Variants in ANAPC1 observed in about 807,000 individuals in gnomAD.
The protein encoded by ANAPC1 is anaphase promoting complex subunit 1.
ANAPC1 carries 36 observed loss-of-function variants against 208.0 expected under a neutral mutation model. The observed-to-expected ratio is 0.17, with a 90% CI of 0.13 to 0.23. The LOEUF (loss-of-function observed/expected upper bound fraction) is 0.23, where lower values mean the gene tolerates loss of function less well. Ranked by LOEUF, ANAPC1 falls within the 10% of genes least tolerant of loss-of-function variation. ANAPC1 has a pLI of 1.00. For missense variants in ANAPC1, 942 were observed against 2,011.6 expected (o/e 0.47, Z 10.17); for synonymous variants, 378 against 695.2 (o/e 0.54, Z 7.18).
Position 111,825,142 on chromosome 2 carries a change from T to C in ANAPC1, c.2730A>G (p.Gln910=). Residue 910 remains glutamine, a synonymous_variant, in exon 23 of 48, where the codon CAA becomes CAG. Coordinates refer to ENST00000341068, the MANE Select transcript of ANAPC1 (RefSeq NM_022662.4). Reference sequence around the variant, plus strand: ...TAAATAAAAGTCACCTGTTTTCCTCTTGTTCTACTTGCAACTTCTGGGGGG... The same window carrying C: ...TAAATAAAAGTCACCTGTTTTCCTCCTGTTCTACTTGCAACTTCTGGGGGG... The part of the protein sequence containing the change: ...TIAPQKLQVE[Q]EENRFSFRHS... The C allele has an allele frequency of 1.2e-6, 2 of 1,613,894 alleles. No individual in the cohort carries two copies. The highest frequency in any genetic ancestry group is 2.7e-5 in the African/African-American group (2 of 75,036).
intron 1 of ANAPC1, 129 bp downstream of exon 1, chr2:111,883,810 GGCC>G (rs1335237792): frequency 6.6e-6 from 1 of 152,434 alleles, no homozygotes; most frequent in African/African-American, 2.4e-5. Context: ...GCACGCTCAA[GGCC>G]CTCCCTCGGG....
intron 16 of ANAPC1, among the ~76,000 whole-genome samples, chr2:111,846,797 C>T (rs1217285037): frequency 1.3e-5 from 2 of 151,536 alleles, no homozygotes; most frequent in African/African-American, 2.4e-5. Flanking sequence ...CTCAAACTAC[C>T]GACCTCAAGC....
intron 22 of ANAPC1, 152 bp downstream of exon 22, chr2:111,825,625 A>C: frequency 1.5e-6 from 1 of 683,944 alleles, no homozygotes; most frequent in African/African-American, 1.8e-5. Flanking sequence ...CCTGAAAATT[A>C]GTTGTGGACA....
In ANAPC1 at chr2:111,832,937, CAAAA is replaced by C. The variant is rs908553180; in HGVS notation, c.2476+279_2476+282del. ...TGGGTGACAGAGCGAGACTCAGTCTCAAAAAAAAAAAAAAAAAAAGCATCCTTGA... is the reference window on the plus strand; with the variant it reads ...TGGGTGACAGAGCGAGACTCAGTCTCAAAAAAAAAAAAAAAGCATCCTTGA... On this transcript the variant is annotated intron_variant, in intron 20 of 47. Coordinates refer to ENST00000341068, the MANE Select transcript of ANAPC1 (RefSeq NM_022662.4). Among the ~76,000 whole-genome samples the C allele has an allele frequency of 6.0e-4, 32 of 53,622 alleles. No individual in the cohort carries two copies. In the Middle Eastern group the frequency reaches 0.065, roughly 109 times the overall value. 35.2% of individuals were successfully genotyped at this position (53,622 alleles called of 152,430 possible). A position where few individuals can be genotyped will look rare whatever the true frequency, so the allele number is the denominator to read the frequency against.
chr2:111,835,275 G>A (rs1173279386), intron 18 of ANAPC1, among the ~76,000 whole-genome samples: 2 of 152,182 alleles, frequency 1.3e-5, no homozygotes, highest in Non-Finnish European at 2.9e-5. Context: ...CATTCAGCTG[G>A]TGTATTCATC....
chr2:111,804,366 C>T (rs2612858), intron 30 of ANAPC1, among the ~76,000 whole-genome samples: 5,908 of 44,516 alleles, frequency 0.13, 774 homozygotes, highest in Middle Eastern at 0.27. Flanking sequence ...ATAGTTAAGT[C>T]GCAGGGCTAT....
chr2:111,880,941 G>A (rs953538244), intron 1 of ANAPC1, 92 bp from the exon 2 acceptor site: 21 of 1,101,190 alleles, frequency 1.9e-5, no homozygotes, highest in African/African-American at 4.7e-5. Flanking sequence ...CCTTACATGG[G>A]TGTCAAGTAA....
At chr2:111,846,548 TATATATATATA>T (rs1415021357) in intron 16 of ANAPC1, among the ~76,000 whole-genome samples, 10 of 61,222 alleles carry the variant, frequency 1.6e-4, no homozygotes, top group African/African-American at 6.7e-4. Context: ...TATATATATA[TATATATATATA>T]TTTTTTTTTT....
intron 19 of ANAPC1, among the ~76,000 whole-genome samples, 156 bp from the exon 20 acceptor site, chr2:111,833,467 G>A (rs2104465561): frequency 6.7e-6 from 1 of 149,438 alleles, no homozygotes; most frequent in Non-Finnish European, 1.5e-5. Flanking sequence ...GGACTTTAAA[G>A]TGCCCAGTGT....
In ANAPC1 at chr2:111,868,018, C is replaced by A; in HGVS notation, c.685+5G>T. The A allele has an allele frequency of 6.4e-7, 1 of 1,571,448 alleles. No individual in the cohort carries two copies. The highest frequency in any genetic ancestry group is 1.4e-5 in the African/African-American group (1 of 73,296). On this transcript the variant is annotated splice_donor_5th_base_variant and intron_variant, in intron 7 of 47. Coordinates refer to ENST00000341068, the MANE Select transcript of ANAPC1 (RefSeq NM_022662.4). ...TTATCTAAAAGAATATAGAAATACA[C>A]TTACTTCCAGATTTACAAACAAGTG...
At chr2:111,864,774 A>C (rs1450192259) in intron 8 of ANAPC1, 32 bp downstream of exon 8, 8 of 1,609,352 alleles carry the variant, frequency 5.0e-6, no homozygotes, top group African/African-American at 1.3e-5. Flanking sequence ...ACCCTTTCCT[A>C]TTAAGGAGAA....
intron 34 of ANAPC1, 158 bp from the exon 35 acceptor site, chr2:111,795,052 A>C (rs1248697316): frequency 2.0e-5 from 13 of 649,690 alleles, no homozygotes; most frequent in East Asian, 9.7e-5. Flanking sequence ...ATCTCATTGA[A>C]TGTAATCAAA....
chr2:111,778,017 G>T (rs1383677765), intron 45 of ANAPC1, among the ~76,000 whole-genome samples: 1 of 152,286 alleles, frequency 6.6e-6, no homozygotes, highest in African/African-American at 2.4e-5. Flanking sequence ...GCAAATTTCT[G>T]CCAGGTTAGA....
At chr2:111,848,583 C>A (rs1392576829) in intron 14 of ANAPC1, among the ~76,000 whole-genome samples, 3 of 151,998 alleles carry the variant, frequency 2.0e-5, no homozygotes, top group African/African-American at 7.3e-5. Context: ...TCAAGACCAG[C>A]CTGGCCAACA....
chr2:111,809,034 C>T lies in ANAPC1; in HGVS notation c.3745G>A (p.Val1249Ile). 3.1e-6 allele frequency: 5 copies of T among 1,611,398 alleles called. No homozygotes were observed. Among genetic ancestry groups the T allele is most frequent in the Non-Finnish European group, 4.2e-6 (5 of 1,179,776 alleles). Residue 1249 changes from valine to isoleucine, a missense_variant, in exon 29 of 48, where the codon GTC (valine) becomes ATC (isoleucine). Physicochemically the swap from Val to Ile is conservative, Grantham distance 29. Coordinates refer to ENST00000341068, the MANE Select transcript of ANAPC1 (RefSeq NM_022662.4). The stretch of plus-strand genomic sequence containing the variant: ...ATGCCAACCACTGCAGCCACTTGGA[C>T]ATTGTGAGGAACATCCAGCTCTGTG... ...TSTELDVPHN[V>I]QVAAVVGIGL...
chr2:111,826,881 G>A (rs1205072988), intron 21 of ANAPC1, among the ~76,000 whole-genome samples: 8 of 152,044 alleles, frequency 5.3e-5, no homozygotes, highest in African/African-American at 1.9e-4. Flanking sequence ...GGATGGTCTC[G>A]ATCTCCTGAC....
chr2:111,879,912 C>T (rs2104614062), intron 2 of ANAPC1, among the ~76,000 whole-genome samples: 1 of 152,144 alleles, frequency 6.6e-6, no homozygotes, highest in Admixed American at 6.5e-5. Flanking sequence ...ACTTTTGTGG[C>T]ATTTCTTCTC....
chr2:111,863,789 G>C lies in ANAPC1; in HGVS notation c.938C>G (p.Ser313Cys), dbSNP rs768278432. 1.2e-6 allele frequency: 2 copies of C among 1,613,964 alleles called. No homozygotes were observed. The highest frequency in any genetic ancestry group is 2.2e-5 in the South Asian group (2 of 91,072). ...ATTCTGGAAAGGTGAAGTCACAGGGGAATCTCCTTTGGAGAGGCTTCTGAG... is the reference window on the plus strand; with the variant it reads ...ATTCTGGAAAGGTGAAGTCACAGGGCAATCTCCTTTGGAGAGGCTTCTGAG... The part of the protein sequence containing the change: ...AHLRSLSKGD[S>C]PVTSPFQNYS... The change falls in exon 9 of 48, where the codon TCC becomes TGC. Residue 313 changes from serine to cysteine, a missense_variant. Ser to Cys is a moderately radical substitution (Grantham distance 112). Coordinates refer to ENST00000341068, the MANE Select transcript of ANAPC1 (RefSeq NM_022662.4).
intron 13 of ANAPC1, among the ~76,000 whole-genome samples, chr2:111,852,395 T>C (rs1681453250): frequency 6.6e-6 from 1 of 152,056 alleles, no homozygotes. Flanking sequence ...AATCTTACTC[T>C]TTCCAGCCAA....
Sources: gnomAD v4.1 joint callset for allele counts (sites outside exome capture counted in the v4.1 genomes callset) on GRCh38, gnomAD v4.1.1 for gene constraint, MANE v1.5 for transcripts, NCBI Gene and HGNC (gene_info 2026-07-23, HGNC 2026-07-21) for gene names.